TAFA4: variants seen among roughly 807,000 people sequenced by gnomAD.
TAFA4 encodes TAFA chemokine like family member 4.
A neutral mutation model predicts 21.1 loss-of-function variants in TAFA4; 20 were observed. That is an observed-to-expected ratio of 0.95 (90% CI 0.67 to 1.38). The LOEUF (loss-of-function observed/expected upper bound fraction) is 1.38, where lower values mean the gene tolerates loss of function less well. Ranked by LOEUF, TAFA4 falls within the 40% of genes most tolerant of loss-of-function variation. TAFA4 has a pLI of 0.00. For synonymous variants in TAFA4, 71 were observed against 67.4 expected (o/e 1.05, Z -0.26); for missense variants, 211 against 180.9 (o/e 1.17, Z -0.95).
intron 4 of TAFA4, among the ~76,000 whole-genome samples, chr3:68,741,171 CTTT>C (rs1416916885): frequency 6.6e-6 from 1 of 152,130 alleles, no homozygotes; most frequent in Non-Finnish European, 1.5e-5. Context: ...GTTTTTCTAT[CTTT>C]GTGGAAAATG....
At chr3:68,733,926 G>A (rs899645589) in intron 5 of TAFA4, among the ~76,000 whole-genome samples, 1 of 152,036 alleles carries the variant, frequency 6.6e-6, no homozygotes, top group African/African-American at 2.4e-5. Context: ...CCTTTTGTTT[G>A]TGCTGGGTAA....
At chr3:68,860,428 A>C (rs2089321138) in intron 3 of TAFA4, among the ~76,000 whole-genome samples, 2 of 152,140 alleles carry the variant, frequency 1.3e-5, no homozygotes, top group South Asian at 4.1e-4. Context: ...TCCACCCACC[A>C]AGCTACTGGG....
chr3:68,890,296 G>C (rs921681053), intron 1 of TAFA4, among the ~76,000 whole-genome samples: 3 of 152,106 alleles, frequency 2.0e-5, no homozygotes, highest in Non-Finnish European at 4.4e-5. Context: ...GGAATTCTTT[G>C]TACTCTTCTA....
intron 5 of TAFA4, among the ~76,000 whole-genome samples, chr3:68,734,715 A>C (rs1575588156): frequency 6.6e-6 from 1 of 152,208 alleles, no homozygotes; most frequent in Non-Finnish European, 1.5e-5. Flanking sequence ...CTTCATCTGC[A>C]AAATAGAGAT....
At chr3:68,820,181 G>A (rs1380087315) in intron 3 of TAFA4, among the ~76,000 whole-genome samples, 7 of 152,104 alleles carry the variant, frequency 4.6e-5, no homozygotes, top group Admixed American at 3.3e-4. Flanking sequence ...AGTAAGTCAG[G>A]CGCAAAAAGA....
intron 3 of TAFA4, among the ~76,000 whole-genome samples, chr3:68,765,902 C>G (rs1702844875): frequency 6.6e-6 from 1 of 152,120 alleles, no homozygotes; most frequent in South Asian, 2.1e-4. Context: ...ATGGGGCTGA[C>G]AGCAAGAGGC....
chr3:68,810,658 T>C (rs558292038), intron 3 of TAFA4, among the ~76,000 whole-genome samples: 1 of 151,826 alleles, frequency 6.6e-6, no homozygotes, highest in African/African-American at 2.4e-5. Context: ...CTTGAGTAGG[T>C]AAACAAAGCA....
chr3:68,886,637 T>C (rs1007904986), intron 1 of TAFA4, among the ~76,000 whole-genome samples: 24 of 152,162 alleles, frequency 1.6e-4, no homozygotes, highest in Non-Finnish European at 5.9e-5. Context: ...CAGTGGAAAG[T>C]AATGCGACCT....
chr3:68,766,326 A>C (rs1205268363), intron 3 of TAFA4, among the ~76,000 whole-genome samples: 1 of 152,150 alleles, frequency 6.6e-6, no homozygotes, highest in Non-Finnish European at 1.5e-5. Context: ...CAGTAAGGGA[A>C]CAAGACAAAG....
chr3:68,883,626 A>G (rs1257537957), intron 2 of TAFA4, among the ~76,000 whole-genome samples: 1 of 152,244 alleles, frequency 6.6e-6, no homozygotes, highest in Non-Finnish European at 1.5e-5. Context: ...TAATACAAAG[A>G]GAAAGAGTTT....
At chr3:68,748,932 A>C (rs1421991564) in intron 4 of TAFA4, among the ~76,000 whole-genome samples, 1 of 152,228 alleles carries the variant, frequency 6.6e-6, no homozygotes, top group Non-Finnish European at 1.5e-5. Flanking sequence ...AAAACCATTC[A>C]GCATTATCTC....
chr3:68,830,268 A>C (rs1386258143), intron 3 of TAFA4, among the ~76,000 whole-genome samples: 6 of 151,990 alleles, frequency 3.9e-5, no homozygotes, highest in Admixed American at 3.3e-4. Flanking sequence ...TAGTTCTTTT[A>C]ATTGTGATGT....
At chr3:68,789,230 CAA>C (rs11328882) in intron 3 of TAFA4, among the ~76,000 whole-genome samples, 149 of 120,120 alleles carry the variant, frequency 1.2e-3, no homozygotes, top group Middle Eastern at 4.6e-3. Flanking sequence ...GACTCCGTCT[CAA>C]AAAAAAAAAA....
chr3:68,857,460 T>C (rs914572436), intron 3 of TAFA4, among the ~76,000 whole-genome samples: 1 of 152,142 alleles, frequency 6.6e-6, no homozygotes, highest in East Asian at 1.9e-4. Flanking sequence ...GACCAATGGA[T>C]GGCAACTTTT....
At chr3:68,816,716 T>C (rs897527451) in intron 3 of TAFA4, among the ~76,000 whole-genome samples, 4 of 152,184 alleles carry the variant, frequency 2.6e-5, no homozygotes, top group African/African-American at 7.2e-5. Context: ...ATATTGCAAG[T>C]TCAGTTTCAG....
chr3:68,749,589 G>A (rs1702523987), intron 4 of TAFA4, among the ~76,000 whole-genome samples: 1 of 152,222 alleles, frequency 6.6e-6, no homozygotes, highest in African/African-American at 2.4e-5. Context: ...GATGAAATCA[G>A]ACATACATCC....
intron 5 of TAFA4, among the ~76,000 whole-genome samples, chr3:68,738,103 C>G (rs893527533): frequency 2.0e-5 from 3 of 152,154 alleles, no homozygotes; most frequent in Middle Eastern, 3.4e-3. Context: ...AATAAATGCT[C>G]AGAGATACAG....
At chr3:68,791,690 C>T (rs1703364184) in intron 3 of TAFA4, among the ~76,000 whole-genome samples, 1 of 152,206 alleles carries the variant, frequency 6.6e-6, no homozygotes, top group African/African-American at 2.4e-5. Flanking sequence ...TACTGTGCCT[C>T]ACTCTCTTGT....
At position 68,905,320 on chromosome 3, in the gene TAFA4, C is replaced by A. The variant is rs180978677; in HGVS notation, c.-122-20010G>T. 2.0e-5 allele frequency among the ~76,000 whole-genome samples: 3 copies of A among 152,062 alleles called. No individual in the cohort carries two copies. In the East Asian group the frequency reaches 5.8e-4, roughly 30 times the overall value. ...AAGTAGTTGGAACTACTGGCGCTTG[C>A]CACTACACCTAGCTAAGTTTTTGTA... On this transcript the variant is annotated intron_variant, in intron 1 of 5. Transcript: ENST00000295569.
Sources: gnomAD v4.1 joint callset for allele counts (sites outside exome capture counted in the v4.1 genomes callset) on GRCh38, gnomAD v4.1.1 for gene constraint, MANE v1.5 for transcripts, NCBI Gene and HGNC (gene_info 2026-07-23, HGNC 2026-07-21) for gene names.